Variants in LINGO1 observed in about 807,000 individuals in gnomAD.
LINGO1 encodes the protein leucine-rich repeat and immunoglobulin-like domain-containing nogo receptor-interacting protein 1.
A neutral mutation model predicts 37.3 loss-of-function variants in LINGO1; 11 were observed. The ratio of observed to expected loss-of-function variants is 0.29; its 90% CI spans 0.19 to 0.49. The LOEUF (loss-of-function observed/expected upper bound fraction) is 0.49, where lower values mean the gene tolerates loss of function less well. Among genes scored for constraint, LINGO1 ranks in the 20% least tolerant of loss-of-function variants. LINGO1 has a pLI of 0.99. For synonymous variants in LINGO1, 387 were observed against 403.0 expected, an observed-to-expected ratio of 0.96 and a Z score of 0.48; for missense variants, 585 against 878.2, an observed-to-expected ratio of 0.67 and a Z score of 4.22.
At chr15:77,738,257 A>G (rs2076221960) in intron 1 of LINGO1, among the ~76,000 whole-genome samples, 1 of 151,982 alleles carries the variant, frequency 6.6e-6, no homozygotes, top group Non-Finnish European at 1.5e-5. Context: ...GCCCCAAACT[A>G]TCAGAGCAGC....
chr15:77,715,821 A>ACTGAGATGGTCCTG lies in LINGO1; in HGVS notation c.-195+19170_-195+19171insCAGGACCATCTCAG, dbSNP rs2075977216. ...CCCTCCTCTCCATTCATCTCAGGACAAGTGCTGGGACCACTTCCTCCAGGA... is the reference window on the plus strand; with the variant it reads ...CCCTCCTCTCCATTCATCTCAGGACACTGAGATGGTCCTGAGTGCTGGGACCACTTCCTCCAGGA... On this transcript the variant is annotated intron_variant, in intron 2 of 3. Coordinates refer to the LINGO1 transcript ENST00000561686. Among the ~76,000 whole-genome samples the ACTGAGATGGTCCTG allele has an allele frequency of 3.9e-5, 6 of 152,268 alleles. No homozygotes were observed. In the South Asian group the frequency reaches 1.2e-3, roughly 32 times the overall value.
chr15:77,782,165 C>T (rs1277054473), intron 1 of LINGO1, among the ~76,000 whole-genome samples: 1 of 152,082 alleles, frequency 6.6e-6, no homozygotes, highest in Non-Finnish European at 1.5e-5. Context: ...TAATTTATTT[C>T]TCTGTTTGTT....
At chr15:77,785,933 T>C (rs1490974236) in intron 1 of LINGO1, among the ~76,000 whole-genome samples, 1 of 152,006 alleles carries the variant, frequency 6.6e-6, no homozygotes, top group African/African-American at 2.4e-5. Context: ...CAAATCCCAC[T>C]GTGTACCTAG....
chr15:77,638,188 G>C (rs80090523), upstream of LINGO1, among the ~76,000 whole-genome samples: 31 of 152,346 alleles, frequency 2.0e-4, no homozygotes, highest in East Asian at 5.0e-3. Flanking sequence ...CGGCCCTTCT[G>C]CACTGGGTGG....
chr15:77,629,822 G>A (rs968883626), intron 1 of LINGO1, among the ~76,000 whole-genome samples: 9 of 152,282 alleles, frequency 5.9e-5, no homozygotes, highest in Admixed American at 3.3e-4. Flanking sequence ...AAATGCATGC[G>A]TGACTGGGCT....
At chr15:77,738,424 G>T (rs2076223814) in intron 1 of LINGO1, among the ~76,000 whole-genome samples, 1 of 152,024 alleles carries the variant, frequency 6.6e-6, no homozygotes, top group Non-Finnish European at 1.5e-5. Flanking sequence ...CCAGTCTCAG[G>T]GTTTTTGCCC....
intron 1 of LINGO1, among the ~76,000 whole-genome samples, chr15:77,694,469 T>C (rs370689943): frequency 3.9e-5 from 6 of 151,978 alleles, no homozygotes; most frequent in African/African-American, 1.5e-4. Context: ...TCCCCAGTAG[T>C]CACCCCACCA....
rs181589959 is a variant in LINGO1, at chr15:77,772,384, C to T, written c.-257+14485G>A. Among the ~76,000 whole-genome samples, 4 of 152,284 alleles carry T rather than the reference C, an allele frequency of 2.6e-5. No individual in the cohort carries two copies. In the East Asian group the frequency reaches 5.8e-4, roughly 22 times the overall value. On this transcript the variant is annotated intron_variant, in intron 1 of 3. Transcript: ENST00000561686. ...TTCCCGTAACCTCGGTTTCCTCATCCGTAAGAGGAGGGTGCAAGCACTGGC... is the reference window on the plus strand; with the variant it reads ...TTCCCGTAACCTCGGTTTCCTCATCTGTAAGAGGAGGGTGCAAGCACTGGC...
At chr15:77,640,230 T>C (rs1158640554) in intron 3 of LINGO1, among the ~76,000 whole-genome samples, 1 of 152,226 alleles carries the variant, frequency 6.6e-6, no homozygotes, top group African/African-American at 2.4e-5. Flanking sequence ...AAAGTCTTGA[T>C]TAATCAACCT....
intron 1 of LINGO1, among the ~76,000 whole-genome samples, chr15:77,755,539 A>T (rs2141373316): frequency 6.6e-6 from 1 of 152,312 alleles, no homozygotes; most frequent in Admixed American, 6.5e-5. Flanking sequence ...GAAATAATAC[A>T]CTGGGATAAT....
chr15:77,789,776 T>C (rs565041956), upstream of LINGO1, among the ~76,000 whole-genome samples: 318 of 151,586 alleles, frequency 2.1e-3, no homozygotes, highest in African/African-American at 7.5e-3. Context: ...ACCTTGGGGT[T>C]TGGGGATTTG....
upstream of LINGO1, among the ~76,000 whole-genome samples, chr15:77,790,964 T>C (rs924113525): frequency 6.6e-5 from 10 of 152,180 alleles, no homozygotes; most frequent in African/African-American, 1.9e-4. Flanking sequence ...GTTGGGCCAA[T>C]GGGTTCCAAC....
intron 1 of LINGO1, among the ~76,000 whole-genome samples, chr15:77,775,629 T>C (rs967933261): frequency 1.3e-5 from 2 of 152,154 alleles, no homozygotes; most frequent in East Asian, 1.9e-4. Flanking sequence ...GACTGGGCCA[T>C]CCTCTGCTTC....
At chr15:77,630,761 G>C (rs1428206657) in intron 1 of LINGO1, among the ~76,000 whole-genome samples, 4 of 152,188 alleles carry the variant, frequency 2.6e-5, no homozygotes, top group Non-Finnish European at 5.9e-5. Context: ...ACACCACAGG[G>C]TGCCTGTCCC....
intron 3 of LINGO1, among the ~76,000 whole-genome samples, chr15:77,659,862 T>TGGGGG (rs2074950104): frequency 5.8e-4 from 3 of 5,216 alleles, no homozygotes; most frequent in African/African-American, 2.5e-3. Context: ...TGGGGTGGGG[T>TGGGGG]GGGGCCAGCC....
chr15:77,815,153 G>A (rs892396027), intron 1 of LINGO1, among the ~76,000 whole-genome samples: 124 of 152,346 alleles, frequency 8.1e-4, no homozygotes, highest in African/African-American at 2.9e-3. Context: ...AGAAGACCAT[G>A]GTGGCAGCTG....
At chr15:77,699,379 C>T (rs938986085), upstream of LINGO1, among the ~76,000 whole-genome samples, 10 of 41,702 alleles carry the variant, frequency 2.4e-4, no homozygotes, top group Non-Finnish European at 4.5e-4. Flanking sequence ...CATCAGCACA[C>T]AATAAGCACA....
At chr15:77,675,539 C>A (rs1343346598) in intron 3 of LINGO1, among the ~76,000 whole-genome samples, 1 of 151,954 alleles carries the variant, frequency 6.6e-6, no homozygotes, top group Non-Finnish European at 1.5e-5. Context: ...CTAATATGAG[C>A]CCATGTTTTT....
chr15:77,765,368 C>G (rs1238980708), intron 1 of LINGO1, among the ~76,000 whole-genome samples: 1 of 151,744 alleles, frequency 6.6e-6, no homozygotes, highest in African/African-American at 2.4e-5. Context: ...TGAGCCGAGA[C>G]CGTGCCACTG....
Sources: allele counts gnomAD v4.1 joint callset (sites outside exome capture counted in the v4.1 genomes callset), GRCh38; gene constraint gnomAD v4.1.1; transcripts MANE v1.5; gene names NCBI Gene and HGNC (gene_info 2026-07-23, HGNC 2026-07-21).